Variants in OR3A2 observed in about 807,000 individuals in gnomAD.
The protein encoded by OR3A2 is olfactory receptor family 3 subfamily A member 2.
For synonymous variants in OR3A2, 126 were observed against 159.3 expected, an observed-to-expected ratio of 0.79 and a Z score of 1.57; for missense variants, 318 against 392.8, an observed-to-expected ratio of 0.81 and a Z score of 1.61.
chr17:3,311,457 C>A lies in OR3A2; in HGVS notation c.-85+24576G>T. Reference sequence around the variant, plus strand: ...GAATTTGCTGCACTGTCTCCTTCATCAATGCTCTGACTCACACAGTGGCTG... The same window carrying A: ...GAATTTGCTGCACTGTCTCCTTCATAAATGCTCTGACTCACACAGTGGCTG... On this transcript the variant is annotated intron_variant, in intron 3 of 4. Coordinates refer to the OR3A2 transcript ENST00000573491. This position sits in a 1 kb window ranked among gnomAD's most constrained non-coding sequence, Gnocchi z 4.6. 2.2e-6 allele frequency: 1 copy of A among 457,988 alleles called. No individual in the cohort carries two copies. Among genetic ancestry groups the A allele is most frequent in the South Asian group, 1.7e-5 (1 of 60,440 alleles). The allele number at this position is 457,988 out of a possible 1,614,324, so 28.4% of individuals were successfully genotyped here.
intron 3 of OR3A2, among the ~76,000 whole-genome samples, chr17:3,330,449 C>T (rs531092847): frequency 4.6e-5 from 7 of 151,938 alleles, no homozygotes; most frequent in African/African-American, 1.2e-4. Flanking sequence ...TTGAATTGAT[C>T]CCTTTACCAT....
intron 3 of OR3A2, chr17:3,291,989 A>G: frequency 6.2e-7 from 1 of 1,614,234 alleles, no homozygotes; most frequent in Non-Finnish European, 8.5e-7. Flanking sequence ...GCAGCAGCTC[A>G]TTGAGTTGGG....
intron 2 of OR3A2, among the ~76,000 whole-genome samples, chr17:3,341,668 C>G (rs1015107883): frequency 1.3e-5 from 2 of 152,146 alleles, no homozygotes; most frequent in Admixed American, 6.5e-5. Flanking sequence ...TGTGGGTAAC[C>G]CGACCTTTCT....
chr17:3,340,970 T>C (rs1256396464), intron 2 of OR3A2, among the ~76,000 whole-genome samples: 1 of 152,168 alleles, frequency 6.6e-6, no homozygotes, highest in African/African-American at 2.4e-5. Flanking sequence ...GCATATATAT[T>C]TAGGATAGTT....
chr17:3,291,942 A>G, intron 3 of OR3A2: 1 of 1,614,244 alleles, frequency 6.2e-7, no homozygotes. Flanking sequence ...AATGAGAGCC[A>G]TGGGGGTACC....
At chr17:3,310,506 CT>C (rs1162163762) in intron 3 of OR3A2, 1 of 535,756 alleles carries the variant, frequency 1.9e-6, no homozygotes, top group African/African-American at 1.9e-5. Context: ...GTACTTCTTC[CT>C]GGGGAACTTG....
At chr17:3,288,973 A>C (rs2048839674), upstream of OR3A2, among the ~76,000 whole-genome samples, 1 of 152,214 alleles carries the variant, frequency 6.6e-6, no homozygotes. Flanking sequence ...ACATAAATGG[A>C]ATATTATGCA....
downstream of OR3A2, among the ~76,000 whole-genome samples, chr17:3,276,297 C>G (rs2048734623): frequency 6.6e-6 from 1 of 151,860 alleles, no homozygotes; most frequent in Admixed American, 6.6e-5. Context: ...TTGTATGGCA[C>G]AATATGCAGG....
intron 2 of OR3A2, among the ~76,000 whole-genome samples, chr17:3,352,489 A>C (rs914423287): frequency 2.0e-5 from 3 of 151,980 alleles, no homozygotes; most frequent in African/African-American, 7.2e-5. Context: ...CAGTTTTCCC[A>C]ACACCATTTG....
chr17:3,352,539 T>C (rs2049429380), intron 2 of OR3A2, among the ~76,000 whole-genome samples: 1 of 151,896 alleles, frequency 6.6e-6, no homozygotes, highest in East Asian at 1.9e-4. Flanking sequence ...ATCTTGCATC[T>C]TTGTCAAAAA....
At chr17:3,280,564 G>A (rs2048771192) in intron 1 of OR3A2, among the ~76,000 whole-genome samples, 2 of 152,160 alleles carry the variant, frequency 1.3e-5, no homozygotes, top group African/African-American at 2.4e-5. Context: ...GAGGCACTGC[G>A]CCCAGCCCAT....
chr17:3,353,432 T>A (rs1488447860), intron 2 of OR3A2, among the ~76,000 whole-genome samples: 4 of 151,938 alleles, frequency 2.6e-5, no homozygotes, highest in Non-Finnish European at 5.9e-5. Context: ...TCTCGCTGTA[T>A]TCTGGATCTT....
chr17:3,333,843 CCAGTCTATCCAT>C (rs1207537499), intron 3 of OR3A2, among the ~76,000 whole-genome samples: 2 of 151,998 alleles, frequency 1.3e-5, no homozygotes, highest in Non-Finnish European at 2.9e-5. Flanking sequence ...GAAAAATTTT[CCAGTCTATCCAT>C]CTGAAAAAGG....
chr17:3,371,988 G>T (rs541900218), intron 2 of OR3A2, among the ~76,000 whole-genome samples: 1 of 147,296 alleles, frequency 6.8e-6, no homozygotes, highest in African/African-American at 2.6e-5. Context: ...CTTCCCAGAC[G>T]GGGTGGCTGC....
chr17:3,363,772 G>C (rs2049539447), intron 2 of OR3A2, among the ~76,000 whole-genome samples: 1 of 152,170 alleles, frequency 6.6e-6, no homozygotes, highest in African/African-American at 2.4e-5. Flanking sequence ...AGTTCTGCAG[G>C]CTTAGCAAAA....
chr17:3,323,127 G>A (rs2150636768), intron 3 of OR3A2, among the ~76,000 whole-genome samples: 1 of 152,130 alleles, frequency 6.6e-6, no homozygotes, highest in Non-Finnish European at 1.5e-5. Flanking sequence ...TTAAGTAATG[G>A]CCTTGTCTCT....
At chr17:3,344,358 T>C (rs7222579) in intron 2 of OR3A2, among the ~76,000 whole-genome samples, 23,007 of 151,992 alleles carry the variant, frequency 0.15, 2,315 homozygotes, top group African/African-American at 0.28. Context: ...CCTGTAAATA[T>C]TCACCCTGCA....
chr17:3,286,895 T>C (rs1194039279), upstream of OR3A2, among the ~76,000 whole-genome samples: 1 of 152,248 alleles, frequency 6.6e-6, no homozygotes, highest in Non-Finnish European at 1.5e-5. Flanking sequence ...TGGTAGTTTC[T>C]TTTGCTGTGC....
chr17:3,294,400 G>A, intron 3 of OR3A2, among the ~76,000 whole-genome samples: 1 of 151,854 alleles, frequency 6.6e-6, no homozygotes, highest in Non-Finnish European at 1.5e-5. Flanking sequence ...TTTAAAAGAT[G>A]ACAAGATGCA....
Sources: allele counts gnomAD v4.1 joint callset (sites outside exome capture counted in the v4.1 genomes callset), GRCh38; gene constraint gnomAD v4.1.1; non-coding constraint Gnocchi (gnomAD v3.1); transcripts MANE v1.5; gene names NCBI Gene and HGNC (gene_info 2026-07-23, HGNC 2026-07-21).